DPP10: variants seen among roughly 807,000 people sequenced by gnomAD.
The protein encoded by DPP10 is dipeptidyl peptidase like 10, also known as inactive dipeptidyl peptidase 10.
DPP10 carries 33 observed loss-of-function variants against 120.9 expected under a neutral mutation model. The observed-to-expected ratio is 0.27, with a 90% confidence interval of 0.21 to 0.37. The LOEUF is 0.37. DPP10 is among the 10% of genes least tolerant of loss of function. DPP10 has a pLI of 1.00. For synonymous variants in DPP10, 337 were observed against 326.1 expected (o/e 1.03, Z -0.36); for missense variants, 816 against 942.8 (o/e 0.87, Z 1.76).
intron 5 of DPP10, among the ~76,000 whole-genome samples, chr2:115,541,953 G>A (rs1216088692): frequency 6.6e-6 from 1 of 151,886 alleles, no homozygotes; most frequent in Non-Finnish European, 1.5e-5. Context: ...TTGCAAATGA[G>A]TATAGAGACC....
chr2:115,630,902 A>C (rs6756833), intron 5 of DPP10, among the ~76,000 whole-genome samples: 30,083 of 152,034 alleles, frequency 0.2, 3,858 homozygotes, highest in African/African-American at 0.35. Flanking sequence ...TGGTATCAGG[A>C]TGATGCTGGC....
intron 3 of DPP10, among the ~76,000 whole-genome samples, chr2:115,448,624 A>T (rs974116338): frequency 2.0e-5 from 3 of 152,194 alleles, no homozygotes. Flanking sequence ...TGAAATTCTG[A>T]TCATTAAAAA....
At chr2:115,345,498 A>G (rs977786819) in intron 3 of DPP10, among the ~76,000 whole-genome samples, 1 of 152,168 alleles carries the variant, frequency 6.6e-6, no homozygotes, top group African/African-American at 2.4e-5. Context: ...ACAAAATGAA[A>G]GTTGCTAGGT....
At chr2:114,462,668 C>A (rs1418290645) in intron 1 of DPP10, among the ~76,000 whole-genome samples, 2 of 152,180 alleles carry the variant, frequency 1.3e-5, no homozygotes, top group Non-Finnish European at 2.9e-5. Flanking sequence ...TTGGCTAAGA[C>A]AGTGTTTCAG....
intron 21 of DPP10, among the ~76,000 whole-genome samples, chr2:115,828,683 C>T (rs1417700037): frequency 2.0e-5 from 3 of 152,022 alleles, no homozygotes; most frequent in Admixed American, 2.0e-4. Flanking sequence ...GATCAATGTC[C>T]TTCATCAGTC....
At chr2:114,876,997 A>C (rs1691216602) in intron 1 of DPP10, among the ~76,000 whole-genome samples, 1 of 151,958 alleles carries the variant, frequency 6.6e-6, no homozygotes, top group South Asian at 2.1e-4. Flanking sequence ...AGTTTTAAAA[A>C]ATGTTAAATT....
intron 13 of DPP10, among the ~76,000 whole-genome samples, chr2:115,771,352 G>A: frequency 6.6e-6 from 1 of 152,040 alleles, no homozygotes; most frequent in Non-Finnish European, 1.5e-5. Context: ...GGGATTACAG[G>A]CATAAGCCAC....
At chr2:115,569,539 G>C (rs1455418203) in intron 5 of DPP10, among the ~76,000 whole-genome samples, 3 of 152,046 alleles carry the variant, frequency 2.0e-5, no homozygotes, top group Non-Finnish European at 4.4e-5. Context: ...GAGTGTGCTG[G>C]TTTATTTTAA....
intron 1 of DPP10, among the ~76,000 whole-genome samples, chr2:115,278,879 T>G (rs1411446511): frequency 1.3e-5 from 2 of 152,170 alleles, no homozygotes; most frequent in South Asian, 2.1e-4. Context: ...TTTTTGTTTT[T>G]TAAAGCTTTA....
At chr2:115,678,569 G>T (rs897697883) in intron 5 of DPP10, among the ~76,000 whole-genome samples, 2 of 152,236 alleles carry the variant, frequency 1.3e-5, no homozygotes, top group African/African-American at 4.8e-5. Context: ...CAGGGGTGCA[G>T]TCCTCATGGA....
chr2:114,523,341 G>A (rs1430237714), intron 1 of DPP10, among the ~76,000 whole-genome samples: 1 of 152,130 alleles, frequency 6.6e-6, no homozygotes, highest in Non-Finnish European at 1.5e-5. Flanking sequence ...TAGATGGCTC[G>A]ACTTCCATGC....
chr2:115,348,988 A>G (rs573023405), intron 3 of DPP10, among the ~76,000 whole-genome samples: 74 of 152,288 alleles, frequency 4.9e-4, no homozygotes, highest in Non-Finnish European at 8.7e-4. Flanking sequence ...CAACACTCTT[A>G]GCACAGCCCT....
At chr2:115,738,184 T>C (rs1306946699) in intron 8 of DPP10, among the ~76,000 whole-genome samples, 1 of 152,154 alleles carries the variant, frequency 6.6e-6, no homozygotes, top group Non-Finnish European at 1.5e-5. Context: ...GAGTTGAGCC[T>C]CTAATATGTA....
At chr2:115,786,531 A>G (rs2149891372) in intron 17 of DPP10, among the ~76,000 whole-genome samples, 1 of 152,314 alleles carries the variant, frequency 6.6e-6, no homozygotes, top group East Asian at 1.9e-4. Flanking sequence ...AAGAGTAAAG[A>G]AAACTGGACA....
At chr2:114,834,725 C>A (rs1012139170) in intron 1 of DPP10, among the ~76,000 whole-genome samples, 5 of 121,826 alleles carry the variant, frequency 4.1e-5, no homozygotes, top group East Asian at 2.6e-4. Flanking sequence ...TATATATAAG[C>A]CATGTCTACG....
At chr2:115,414,663 T>C (rs2069229101) in intron 3 of DPP10, among the ~76,000 whole-genome samples, 1 of 152,184 alleles carries the variant, frequency 6.6e-6, no homozygotes, top group East Asian at 1.9e-4. Flanking sequence ...GAGTAATATC[T>C]GAAGTTGTAC....
chr2:114,975,061 T>C (rs1363483128), intron 1 of DPP10, among the ~76,000 whole-genome samples: 1 of 151,026 alleles, frequency 6.6e-6, no homozygotes, highest in African/African-American at 2.4e-5. Context: ...TTTTTTGAGA[T>C]GGAGGTTCGC....
chr2:115,427,223 G>A (rs1459693605), intron 3 of DPP10, among the ~76,000 whole-genome samples: 2 of 152,202 alleles, frequency 1.3e-5, no homozygotes, highest in East Asian at 3.9e-4. Flanking sequence ...GAGTGTGGAA[G>A]ATGGTGGCTC....
chr2:115,222,060 T>C (rs1208122461), intron 1 of DPP10, among the ~76,000 whole-genome samples: 1 of 152,090 alleles, frequency 6.6e-6, no homozygotes, highest in Non-Finnish European at 1.5e-5. Flanking sequence ...GATTTCTTGT[T>C]AGTAGGAATT....
Sources: gnomAD v4.1 joint callset for allele counts (sites outside exome capture counted in the v4.1 genomes callset) on GRCh38, gnomAD v4.1.1 for gene constraint, MANE v1.5 for transcripts, NCBI Gene and HGNC (gene_info 2026-07-23, HGNC 2026-07-21) for gene names.